The following XKR6 variants were observed in gnomAD, a reference collection of about 807,000 sequenced individuals.
The protein encoded by XKR6 is XK-related protein 6.
Under a neutral mutation model 56.7 loss-of-function variants are expected in XKR6, and 22 were observed. That is an observed-to-expected ratio of 0.39 (90% CI 0.28 to 0.55). The LOEUF (loss-of-function observed/expected upper bound fraction) is 0.55, where lower values mean the gene tolerates loss of function less well. Ranked by LOEUF, XKR6 falls within the 20% of genes least tolerant of loss-of-function variation. The probability of loss-of-function intolerance (pLI) is 0.66; values close to 1 mark genes in which losing one functional copy is unlikely to be tolerated. For synonymous variants in XKR6, 524 were observed against 387.8 expected (o/e 1.35, Z -4.13); for missense variants, 852 against 889.0 (o/e 0.96, Z 0.53).
chr8:11,137,871 A>C, intron 1 of XKR6: 2 of 361,656 alleles, frequency 5.5e-6, no homozygotes, highest in Non-Finnish European at 1.1e-5. Flanking sequence ...AAAGACTGAT[A>C]TATTAAATAA....
chr8:10,969,113 C>T (rs559744411), intron 1 of XKR6, among the ~76,000 whole-genome samples: 84 of 152,330 alleles, frequency 5.5e-4, no homozygotes, highest in African/African-American at 2.0e-3. Context: ...TTGTCAAAAA[C>T]CGCCCCTAGA....
intron 1 of XKR6, among the ~76,000 whole-genome samples, chr8:10,970,234 A>G (rs1275982757): frequency 1.3e-5 from 2 of 152,204 alleles, no homozygotes; most frequent in African/African-American, 2.4e-5. Flanking sequence ...GTACAGACAT[A>G]TCTGCCATCC....
intron 1 of XKR6, among the ~76,000 whole-genome samples, chr8:11,003,318 C>G (rs1037530443): frequency 5.9e-5 from 9 of 152,086 alleles, no homozygotes; most frequent in Non-Finnish European, 1.2e-4. Context: ...ACCATCACCA[C>G]CACCACCATC....
At chr8:11,087,862 G>C (rs890863514) in intron 1 of XKR6, among the ~76,000 whole-genome samples, 1 of 152,232 alleles carries the variant, frequency 6.6e-6, no homozygotes, top group African/African-American at 2.4e-5. Context: ...GGAGGAGGCA[G>C]AGAGCAGAGA....
At chr8:11,025,151 T>C (rs1380481598) in intron 1 of XKR6, among the ~76,000 whole-genome samples, 1 of 152,198 alleles carries the variant, frequency 6.6e-6, no homozygotes, top group Non-Finnish European at 1.5e-5. Flanking sequence ...TTCAAATGCT[T>C]GTGACAGACT....
intron 1 of XKR6, among the ~76,000 whole-genome samples, chr8:10,969,203 C>G (rs1407669762): frequency 6.6e-6 from 1 of 152,134 alleles, no homozygotes; most frequent in Non-Finnish European, 1.5e-5. Flanking sequence ...GAAGCAGGTG[C>G]TCTTAGCTGC....
intron 1 of XKR6, among the ~76,000 whole-genome samples, chr8:10,926,056 T>C (rs1365166578): frequency 2.6e-5 from 4 of 152,134 alleles, no homozygotes; most frequent in African/African-American, 9.7e-5. Context: ...TCCTGTGGGA[T>C]GGACATTCTA....
intron 1 of XKR6, among the ~76,000 whole-genome samples, chr8:10,992,700 C>T (rs1798021069): frequency 6.6e-6 from 1 of 152,168 alleles, no homozygotes; most frequent in Admixed American, 6.5e-5. Context: ...GACCTCTTCC[C>T]TCCTGTTAGC....
chr8:10,990,644 A>G (rs970640697), intron 1 of XKR6, among the ~76,000 whole-genome samples: 2 of 152,070 alleles, frequency 1.3e-5, no homozygotes, highest in African/African-American at 2.4e-5. Flanking sequence ...CAACTGTGCA[A>G]TCATGGCTTA....
chr8:11,198,883 ATC>A lies in XKR6; in HGVS notation c.764+1691_764+1692del, dbSNP rs568037655. The stretch of plus-strand genomic sequence containing the variant: ...GTCCCTCCCCTGCTTCATTCCTGGC[ATC>A]TTAACAACCAGAAAACAACCCCCAG... On this transcript the variant is annotated intron_variant, in intron 1 of 2. Coordinates refer to ENST00000416569, the MANE Select transcript of XKR6 (RefSeq NM_173683.4). Among the ~76,000 whole-genome samples the A allele has an allele frequency of 1.7e-3, 266 of 152,002 alleles. 2 individuals are homozygous for A. Among genetic ancestry groups the A allele is most frequent in the African/African-American group, 6.1e-3 (254 of 41,422 alleles).
intron 1 of XKR6, among the ~76,000 whole-genome samples, chr8:11,082,680 C>G (rs916555066): frequency 6.6e-6 from 1 of 152,208 alleles, no homozygotes; most frequent in African/African-American, 2.4e-5. Flanking sequence ...CCAAAGTCAC[C>G]CTTCTGCCCT....
chr8:11,016,856 T>C (rs1798636979), intron 1 of XKR6, among the ~76,000 whole-genome samples: 1 of 152,166 alleles, frequency 6.6e-6, no homozygotes, highest in Non-Finnish European at 1.5e-5. Flanking sequence ...TCCAGTTCCC[T>C]CCTCAATTTC....
chr8:11,031,942 A>G (rs1799002870), intron 1 of XKR6, among the ~76,000 whole-genome samples: 1 of 152,226 alleles, frequency 6.6e-6, no homozygotes, highest in Non-Finnish European at 1.5e-5. Context: ...GAATGAGTGC[A>G]CAGGGAGATC....
rs1413972207 is a variant in XKR6, at chr8:10,896,112, A to C, written c.*1840T>G. On this transcript the variant is annotated 3_prime_UTR_variant, in exon 3 of 3. Transcript: ENST00000416569. ...ATATATATATATATATATACTTATT[A>C]TATATCTTTTTTGTGATTTTTTTTC... The C allele has an allele frequency of 6.8e-6, 1 of 147,330 alleles. No homozygotes were observed. The highest frequency in any genetic ancestry group is 2.5e-5 in the African/African-American group (1 of 40,560). The allele number at this position is 147,330 out of a possible 1,614,324, so 9.1% of individuals were successfully genotyped here.
At chr8:11,015,246 T>G (rs1375938935) in intron 1 of XKR6, among the ~76,000 whole-genome samples, 1 of 152,072 alleles carries the variant, frequency 6.6e-6, no homozygotes, top group Non-Finnish European at 1.5e-5. Flanking sequence ...AATTTCAACT[T>G]CCTTAGCATT....
intron 1 of XKR6, among the ~76,000 whole-genome samples, chr8:11,165,309 A>T (rs1041884320): frequency 1.3e-5 from 2 of 152,044 alleles, no homozygotes; most frequent in African/African-American, 4.8e-5. Flanking sequence ...CATGTTGGCC[A>T]GGCTGGTCTT....
intron 1 of XKR6, among the ~76,000 whole-genome samples, chr8:11,188,144 G>T (rs1803371753): frequency 6.6e-6 from 1 of 152,016 alleles, no homozygotes; most frequent in Non-Finnish European, 1.5e-5. Context: ...TTGAGATAGT[G>T]AGTTGAAATG....
intron 1 of XKR6, among the ~76,000 whole-genome samples, chr8:10,953,659 A>G (rs561386572): frequency 2.0e-5 from 3 of 152,316 alleles, no homozygotes; most frequent in African/African-American, 7.2e-5. Context: ...AAGTGTGGGA[A>G]GAATCTAGAT....
intron 1 of XKR6, among the ~76,000 whole-genome samples, chr8:10,993,936 C>A (rs1798051471): frequency 6.6e-6 from 1 of 152,184 alleles, no homozygotes; most frequent in Admixed American, 6.5e-5. Context: ...CAGCTGCAGA[C>A]CTGAACTCAG....
Sources: gnomAD v4.1 joint callset for allele counts (sites outside exome capture counted in the v4.1 genomes callset) on GRCh38, gnomAD v4.1.1 for gene constraint, MANE v1.5 for transcripts, NCBI Gene and HGNC (gene_info 2026-07-23, HGNC 2026-07-21) for gene names.